WDR70: variants seen among roughly 807,000 people sequenced by gnomAD.
WDR70 encodes WD repeat-containing protein 70.
In WDR70, 53 loss-of-function variants were observed where a neutral mutation model predicts 88.6. The observed-to-expected ratio is 0.60, with a 90% CI of 0.48 to 0.75. The LOEUF is 0.75. Ranked by LOEUF, WDR70 falls within the 30% of genes least tolerant of loss-of-function variation. WDR70 has a pLI of 0.00. For missense variants in WDR70, 610 were observed against 823.2 expected, an observed-to-expected ratio of 0.74 and a Z score of 3.17; for synonymous variants, 280 against 270.0, an observed-to-expected ratio of 1.04 and a Z score of -0.36.
chr5:37,489,453 G>C (rs912705701), intron 8 of WDR70, among the ~76,000 whole-genome samples: 2 of 152,156 alleles, frequency 1.3e-5, no homozygotes, highest in Non-Finnish European at 2.9e-5. Context: ...CTGGTCTTCA[G>C]ACCCCCAGGT....
intron 10 of WDR70, among the ~76,000 whole-genome samples, chr5:37,656,917 C>A (rs1405831727): frequency 6.6e-6 from 1 of 152,170 alleles, no homozygotes; most frequent in Non-Finnish European, 1.5e-5. Flanking sequence ...GCCAGTGGAT[C>A]TTAGCTTGCT....
At chr5:37,488,220 T>TA (rs1739955538) in intron 8 of WDR70, among the ~76,000 whole-genome samples, 2 of 151,862 alleles carry the variant, frequency 1.3e-5, no homozygotes, top group East Asian at 3.9e-4. Context: ...TTTTTGCTGT[T>TA]ATTAGAATTT....
rs1747147120 is a variant in WDR70, at chr5:37,701,059, T to C, written c.1194T>C (p.Gly398=). The C allele has an allele frequency of 6.2e-7, 1 of 1,605,282 alleles. No individual in the cohort carries two copies. Among genetic ancestry groups the C allele is most frequent in the Non-Finnish European group, 8.5e-7 (1 of 1,172,414 alleles). ...YDGNVLASRG[G]DDSLKLWDIR... ...TTTTTCCCCTCATTCCTCTGTCAGG[T>C]GACGATTCATTAAAATTATGGGACA... The change falls in exon 12 of 18, where the codon GGT becomes GGC. Residue 398 remains glycine, a splice_region_variant and synonymous_variant. Coordinates refer to ENST00000265107, the MANE Select transcript of WDR70 (RefSeq NM_018034.4).
rs536173574 is a variant in WDR70 at position 37,691,550 on chromosome 5, A to G, written c.1093-6105A>G. 3.9e-4 allele frequency among the ~76,000 whole-genome samples: 60 copies of G among 152,378 alleles called. 1 individual carries two copies. The highest frequency in any genetic ancestry group is 1.3e-3 in the African/African-American group (56 of 41,594). ...TGCAATCAAATTAGAACTCAGGATT[A>G]AGAAACTCACTCAAAACTGCACAAG... is the stretch of plus-strand genomic sequence containing the variant. On this transcript the variant is annotated intron_variant, in intron 10 of 17. Coordinates refer to ENST00000265107, the MANE Select transcript of WDR70 (RefSeq NM_018034.4).
chr5:37,578,337 T>TG (rs1201272993), intron 9 of WDR70, among the ~76,000 whole-genome samples: 1 of 151,762 alleles, frequency 6.6e-6, no homozygotes, highest in Non-Finnish European at 1.5e-5. Context: ...TCTTTGCCTT[T>TG]TTTGGACTCT....
chr5:37,748,703 T>C (rs1416013346), intron 17 of WDR70, among the ~76,000 whole-genome samples: 5 of 152,166 alleles, frequency 3.3e-5, no homozygotes, highest in Non-Finnish European at 7.3e-5. Flanking sequence ...GAGAAAATTT[T>C]TGCAATCTAC....
At chr5:37,497,553 A>G (rs561722587) in intron 8 of WDR70, among the ~76,000 whole-genome samples, 2 of 146,206 alleles carry the variant, frequency 1.4e-5, no homozygotes, top group African/African-American at 5.1e-5. Context: ...TTCCTTCCAC[A>G]TGCAATCTGG....
At chr5:37,727,181 A>C (rs968325182) in intron 17 of WDR70, 136 bp downstream of exon 17, 1 of 1,080,142 alleles carries the variant, frequency 9.3e-7, no homozygotes, top group Non-Finnish European at 1.3e-6. Context: ...CCAGGTACTC[A>C]TGGTCTTTAA....
chr5:37,605,920 G>A (rs948925662), intron 10 of WDR70, among the ~76,000 whole-genome samples: 1 of 152,096 alleles, frequency 6.6e-6, no homozygotes, highest in Non-Finnish European at 1.5e-5. Context: ...AATGAGTCTA[G>A]ACACCAGTGT....
At chr5:37,744,600 G>A (rs1257946905) in intron 17 of WDR70, among the ~76,000 whole-genome samples, 2 of 151,878 alleles carry the variant, frequency 1.3e-5, no homozygotes, top group Non-Finnish European at 2.9e-5. Context: ...ATGACCTGAT[G>A]GAGCTGAAAA....
chr5:37,747,495 A>C (rs1190764087), intron 17 of WDR70, among the ~76,000 whole-genome samples: 1 of 152,216 alleles, frequency 6.6e-6, no homozygotes, highest in Non-Finnish European at 1.5e-5. Context: ...TTGATGGAAC[A>C]TATCTCAAAA....
At chr5:37,443,480 C>A in intron 7 of WDR70, 108 bp downstream of exon 7, 1 of 1,287,032 alleles carries the variant, frequency 7.8e-7, no homozygotes, top group Non-Finnish European at 1.1e-6. Context: ...TATCAAAATA[C>A]ATTACGTTTA....
intron 8 of WDR70, among the ~76,000 whole-genome samples, chr5:37,485,225 G>A (rs1739821331): frequency 6.6e-6 from 1 of 152,084 alleles, no homozygotes; most frequent in African/African-American, 2.4e-5. Flanking sequence ...TCTTCTATGA[G>A]ATTAGATTGT....
At chr5:37,644,486 T>G (rs1483888924) in intron 10 of WDR70, among the ~76,000 whole-genome samples, 1 of 151,982 alleles carries the variant, frequency 6.6e-6, no homozygotes, top group African/African-American at 2.4e-5. Flanking sequence ...CAGGGTAATA[T>G]TAGCATTGTA....
In WDR70 at chr5:37,396,553, G is replaced by A. The variant is rs908465800; in HGVS notation, c.475G>A (p.Glu159Lys). 1.9e-6 allele frequency: 3 copies of A among 1,610,256 alleles called. No individual in the cohort carries two copies. In the African/African-American group the frequency reaches 4.0e-5, roughly 22 times the overall value. ...AGAAGAAGCAGAGGAAGAAGAAGAG[G>A]AAGAGGAGGAAGAGGAAGTAAGTAT... ...EEEEAEEEEE[E>K]EEEEENPVHK... The change falls in exon 5 of 18, where the codon GAA becomes AAA. Residue 159 changes from glutamate to lysine, a missense_variant. By Grantham distance (56) the Glu-to-Lys change is moderately conservative (BLOSUM62 1). Transcript: ENST00000265107.
chr5:37,528,977 T>TC (rs34233481), intron 9 of WDR70, among the ~76,000 whole-genome samples: 134,007 of 148,712 alleles, frequency 0.9, 62,011 homozygotes, highest in East Asian at 1. Context: ...AAATATTTGA[T>TC]CATTTTGAGT....
At chr5:37,615,991 C>T (rs183633886) in intron 10 of WDR70, among the ~76,000 whole-genome samples, 27 of 152,242 alleles carry the variant, frequency 1.8e-4, no homozygotes, top group African/African-American at 4.3e-4. Flanking sequence ...TCACGTTAAA[C>T]GCAATACTTA....
intron 10 of WDR70, chr5:37,687,796 G>C: frequency 9.3e-6 from 4 of 430,260 alleles, no homozygotes; most frequent in Non-Finnish European, 8.3e-6. Flanking sequence ...TTGAGCACTG[G>C]AAGGCTATAT....
rs1327036970 is a variant in WDR70, at chr5:37,381,840, G to T, written c.175+155G>T. Reference sequence around the variant, plus strand: ...AGGCCAAGGCGGGCAGATCACCTGAGGTCAGAAGTTTGAGACCAGCCTGGC... The same window carrying T: ...AGGCCAAGGCGGGCAGATCACCTGATGTCAGAAGTTTGAGACCAGCCTGGC... On this transcript the variant is annotated intron_variant, in intron 3 of 17. Transcript: ENST00000265107. 3 of 539,522 alleles carry T rather than the reference G, an allele frequency of 5.6e-6. No homozygotes were observed. In the Admixed American group the frequency reaches 9.6e-5, roughly 17 times the overall value. The allele number at this position is 539,522 out of a possible 1,614,324, so 33.4% of individuals were successfully genotyped here. A position where few individuals can be genotyped will look rare whatever the true frequency, so the allele number is the denominator to read the frequency against.
Sources: allele counts gnomAD v4.1 joint callset (sites outside exome capture counted in the v4.1 genomes callset), GRCh38; gene constraint gnomAD v4.1.1; transcripts MANE v1.5; gene names NCBI Gene and HGNC (gene_info 2026-07-23, HGNC 2026-07-21).